Variants in ALK observed in about 807,000 individuals in gnomAD.
ALK encodes the protein ALK receptor tyrosine kinase.
Under a neutral mutation model 163.1 loss-of-function variants are expected in ALK, and 74 were observed. That is an observed-to-expected ratio of 0.45 (90% CI 0.38 to 0.55). ALK has a LOEUF of 0.55. Ranked by LOEUF, ALK falls within the 20% of genes least tolerant of loss-of-function variation. ALK has a pLI of 0.00. For missense variants in ALK, 2,063 were observed against 2,105.3 expected, an observed-to-expected ratio of 0.98 and a Z score of 0.39; for synonymous variants, 960 against 843.2, an observed-to-expected ratio of 1.14 and a Z score of -2.40.
At chr2:29,234,810 C>T (rs899457639) in intron 13 of ALK, among the ~76,000 whole-genome samples, 2 of 152,212 alleles carry the variant, frequency 1.3e-5, no homozygotes, top group African/African-American at 2.4e-5. Flanking sequence ...AATGGCACGA[C>T]CTTGGCCCAC....
At chr2:29,451,794 A>T (rs780105587) in intron 4 of ALK, among the ~76,000 whole-genome samples, 1 of 152,130 alleles carries the variant, frequency 6.6e-6, no homozygotes, top group African/African-American at 2.4e-5. Flanking sequence ...AACTCATTCA[A>T]CTTTGCGTAT....
chr2:29,528,847 G>A (rs550484757), intron 4 of ALK, among the ~76,000 whole-genome samples: 79 of 152,156 alleles, frequency 5.2e-4, no homozygotes, highest in African/African-American at 1.6e-3. Context: ...GTGATCAGCC[G>A]GGCCTAGGCT....
At chr2:29,545,068 G>T (rs1224404764) in intron 3 of ALK, among the ~76,000 whole-genome samples, 1 of 152,154 alleles carries the variant, frequency 6.6e-6, no homozygotes, top group Non-Finnish European at 1.5e-5. Context: ...TTGGTCCCCA[G>T]ATGCCTGCAG....
chr2:29,251,570 A>G (rs1338845019), intron 11 of ALK, among the ~76,000 whole-genome samples: 1 of 152,208 alleles, frequency 6.6e-6, no homozygotes, highest in Non-Finnish European at 1.5e-5. Context: ...AAGAATAGCA[A>G]GCCACAGGAG....
At chr2:29,757,489 A>G (rs1233116469) in intron 1 of ALK, among the ~76,000 whole-genome samples, 1 of 152,230 alleles carries the variant, frequency 6.6e-6, no homozygotes, top group African/African-American at 2.4e-5. Flanking sequence ...GTTACCAAGT[A>G]AAATACAAAA....
At chr2:29,741,627 ATGTCT>A (rs1382315162) in intron 1 of ALK, among the ~76,000 whole-genome samples, 1 of 152,224 alleles carries the variant, frequency 6.6e-6, no homozygotes, top group Non-Finnish European at 1.5e-5. Flanking sequence ...GAACCAGCCC[ATGTCT>A]CCCCTGGTGA....
chr2:29,779,115 C>T (rs927631748), intron 1 of ALK, among the ~76,000 whole-genome samples: 5 of 151,804 alleles, frequency 3.3e-5, no homozygotes, highest in African/African-American at 1.2e-4. Context: ...GAGATCGTGC[C>T]ACTGCACTCC....
intron 1 of ALK, among the ~76,000 whole-genome samples, chr2:29,843,663 T>G (rs138169810): frequency 2.0e-5 from 3 of 152,276 alleles, no homozygotes; most frequent in Admixed American, 2.0e-4. Flanking sequence ...AAAGTGGTCA[T>G]TGATTTACTT....
chr2:29,580,107 T>C (rs572225853), intron 3 of ALK, among the ~76,000 whole-genome samples: 1 of 152,302 alleles, frequency 6.6e-6, no homozygotes, highest in African/African-American at 2.4e-5. Context: ...CAGGGATTTT[T>C]GCTACTGTGT....
At chr2:29,281,908 T>C (rs1289036143) in intron 9 of ALK, among the ~76,000 whole-genome samples, 1 of 152,210 alleles carries the variant, frequency 6.6e-6, no homozygotes, top group Non-Finnish European at 1.5e-5. Context: ...TATAATGCCT[T>C]ATTTGCCACC....
chr2:29,527,928 C>A (rs1258926802), intron 4 of ALK, among the ~76,000 whole-genome samples: 1 of 152,114 alleles, frequency 6.6e-6, no homozygotes, highest in Non-Finnish European at 1.5e-5. Context: ...ACTCCCGTAT[C>A]TTCCGGGTCT....
intron 3 of ALK, among the ~76,000 whole-genome samples, chr2:29,676,572 A>G (rs1322425961): frequency 1.3e-5 from 2 of 152,008 alleles, no homozygotes; most frequent in Non-Finnish European, 2.9e-5. Flanking sequence ...GCTTTATAGT[A>G]AGTTTTGAAA....
chr2:29,317,343 C>T (rs1169365020), intron 8 of ALK, among the ~76,000 whole-genome samples: 3 of 152,216 alleles, frequency 2.0e-5, no homozygotes, highest in African/African-American at 7.2e-5. Flanking sequence ...AGGTTTTCTA[C>T]TACACGCAAG....
intron 2 of ALK, among the ~76,000 whole-genome samples, chr2:29,713,528 A>G (rs1448502917): frequency 6.6e-6 from 1 of 152,204 alleles, no homozygotes; most frequent in African/African-American, 2.4e-5. Context: ...CCAAGGTCTT[A>G]GACATCAGAC....
At chr2:29,714,205 C>A (rs913336569) in intron 2 of ALK, among the ~76,000 whole-genome samples, 9 of 152,052 alleles carry the variant, frequency 5.9e-5, no homozygotes, top group African/African-American at 1.2e-4. Context: ...CCTCTCAAAG[C>A]CTTAGGGGAG....
chr2:29,530,179 C>T (rs1257353794), intron 4 of ALK, among the ~76,000 whole-genome samples: 1 of 150,462 alleles, frequency 6.6e-6, no homozygotes, highest in African/African-American at 2.4e-5. Flanking sequence ...GTTTGGACCA[C>T]ATCACTTCCT....
At chr2:29,793,004 T>C (rs540154167) in intron 1 of ALK, among the ~76,000 whole-genome samples, 1 of 139,570 alleles carries the variant, frequency 7.2e-6, no homozygotes, top group South Asian at 2.6e-4. Context: ...GATTTCTCTG[T>C]AGCATATGAT....
At chr2:29,267,324 G>T (rs146340156) in intron 11 of ALK, among the ~76,000 whole-genome samples, 1 of 152,342 alleles carries the variant, frequency 6.6e-6, no homozygotes, top group African/African-American at 2.4e-5. Context: ...CCTTACGAGA[G>T]ACTATGAAGT....
At chr2:29,685,979 T>C (rs1301121382) in intron 3 of ALK, among the ~76,000 whole-genome samples, 1 of 152,190 alleles carries the variant, frequency 6.6e-6, no homozygotes, top group Non-Finnish European at 1.5e-5. Flanking sequence ...CTTCTTCACA[T>C]TCCTTCTCTG....
Sources: gnomAD v4.1 joint callset for allele counts (sites outside exome capture counted in the v4.1 genomes callset) on GRCh38, gnomAD v4.1.1 for gene constraint, MANE v1.5 for transcripts, NCBI Gene and HGNC (gene_info 2026-07-23, HGNC 2026-07-21) for gene names.